The following GON4L variants were observed in gnomAD, a reference collection of about 807,000 sequenced individuals.
GON4L encodes gon-4 like, also known as GON-4-like protein.
A neutral mutation model predicts 211.8 loss-of-function variants in GON4L; 87 were observed. The observed-to-expected ratio is 0.41, with a 90% CI of 0.35 to 0.49. GON4L has a LOEUF of 0.49. Among genes scored for constraint, GON4L ranks in the 20% least tolerant of loss-of-function variants. The probability of loss-of-function intolerance (pLI) is 0.15; values close to 1 mark genes in which losing one functional copy is unlikely to be tolerated. For synonymous variants in GON4L, 875 were observed against 962.6 expected (o/e 0.91, Z 1.68); for missense variants, 2,155 against 2,659.5 (o/e 0.81, Z 4.17).
At chr1:155,773,015 T>C (rs541758166) in intron 18 of GON4L, 51 bp downstream of exon 18, 3 of 1,607,226 alleles carry the variant, frequency 1.9e-6, no homozygotes, top group Non-Finnish European at 2.6e-6. Flanking sequence ...AGGAACTACA[T>C]CTTCTCCTTG....
In GON4L at chr1:155,777,738, A is replaced by T. The variant is rs1338627804; in HGVS notation, c.1975T>A (p.Ser659Thr). 1 of 1,612,784 alleles carries T rather than the reference A, an allele frequency of 6.2e-7. No individual in the cohort carries two copies. The highest frequency in any genetic ancestry group is 1.7e-5 in the Admixed American group (1 of 59,992). ...ACTTCCTGCAGCTGTTTGGCTGAAGATTTCTTCATCTTCAGCTGTTCAAAT... is the reference window on the plus strand; with the variant it reads ...ACTTCCTGCAGCTGTTTGGCTGAAGTTTTCTTCATCTTCAGCTGTTCAAAT... ...ELFEQLKMKK[S>T]SAKQLQEVEK... The change falls in exon 15 of 32, where the codon TCT (serine) becomes ACT (threonine). Residue 659 changes from serine (S) to threonine (T), a missense_variant. By Grantham distance (58) the Ser-to-Thr change is moderately conservative. Transcript: ENST00000368331.
In GON4L at chr1:155,821,504, G is replaced by A. The variant is rs1048261856; in HGVS notation, c.933C>T (p.Ala311=). The A allele has an allele frequency of 6.2e-7, 1 of 1,604,604 alleles. No homozygotes were observed. Among genetic ancestry groups the A allele is most frequent in the South Asian group, 1.1e-5 (1 of 90,898 alleles). The change falls in exon 5 of 32, where the codon GCC becomes GCT. Residue 311 remains alanine, a synonymous_variant. Transcript: ENST00000368331. ...TTGGCATATCTTCCGTCTCACTGATGGCTGCTTTCATCATAGCTACCACGT... is the reference window on the plus strand; with the variant it reads ...TTGGCATATCTTCCGTCTCACTGATAGCTGCTTTCATCATAGCTACCACGT... ...NEHVVAMMKA[A]ISETEDMPMF... is the part of the protein sequence containing the mutation.
intron 13 of GON4L, 67 bp downstream of exon 13, chr1:155,785,267 C>A: frequency 2.0e-6 from 2 of 1,014,300 alleles, no homozygotes; most frequent in Non-Finnish European, 1.6e-6. Flanking sequence ...TCACAGAGAC[C>A]AAATGACACA....
At chr1:155,805,844 G>A (rs1205159464) in intron 10 of GON4L, among the ~76,000 whole-genome samples, 5 of 149,072 alleles carry the variant, frequency 3.4e-5, no homozygotes, top group South Asian at 2.1e-4. Context: ...CACCAGCCAC[G>A]ACATCTGACT....
At position 155,853,486 on chromosome 1, in the gene GON4L, T is replaced by C; in HGVS notation, c.295A>G (p.Ile99Val). ...VPILEGVDVAISQGITLPSLE... is the reference protein window; with the variant it reads ...VPILEGVDVAVSQGITLPSLE... ...GAAGGTAGGGTGATTCCCTGAGAGA[T>C]GGCCACATCAACACCTTCTAGAATT... The change falls in exon 2 of 32, where the codon ATC becomes GTC. Residue 99 changes from isoleucine (I) to valine (V), a missense_variant. By Grantham distance (29) the Ile-to-Val change is conservative (BLOSUM62 3). Around this residue, in one of 6 missense-constraint regions of GON4L, gnomAD observed 313 missense variants for 293.2 expected, o/e 1.07. Transcript: ENST00000368331. The C allele has an allele frequency of 6.2e-7, 1 of 1,614,140 alleles. No individual in the cohort carries two copies. The highest frequency in any genetic ancestry group is 8.5e-7 in the Non-Finnish European group (1 of 1,179,948).
intron 6 of GON4L, among the ~76,000 whole-genome samples, chr1:155,816,701 G>C (rs1447694053): frequency 7.1e-6 from 1 of 140,922 alleles, no homozygotes; most frequent in Non-Finnish European, 1.5e-5. Flanking sequence ...CAAAAAGCCA[G>C]CCATGAAAAG....
At chr1:155,790,225 T>C (rs1044556247) in intron 12 of GON4L, among the ~76,000 whole-genome samples, 3 of 151,866 alleles carry the variant, frequency 2.0e-5, no homozygotes, top group Non-Finnish European at 4.4e-5. Context: ...TCAGCCTCCT[T>C]AGTAGCTGGG....
chr1:155,757,348 A>G, intron 25 of GON4L, 25 bp from the exon 26 acceptor site: 1 of 1,610,542 alleles, frequency 6.2e-7, no homozygotes, highest in Admixed American at 1.7e-5. Flanking sequence ...AGAGGGAAAG[A>G]GGAAGTCTCC....
At chr1:155,826,620 T>C (rs561389355) in intron 3 of GON4L, among the ~76,000 whole-genome samples, 1 of 151,012 alleles carries the variant, frequency 6.6e-6, no homozygotes, top group Non-Finnish European at 1.5e-5. Context: ...ATCAGGATAG[T>C]GGTTAACCTA....
chr1:155,764,508 C>T (rs1348022303), intron 21 of GON4L: 3 of 281,634 alleles, frequency 1.1e-5, no homozygotes, highest in Admixed American at 4.8e-5. Context: ...GACGTGATCT[C>T]GGCTCACTGC....
At chr1:155,795,385 C>G (rs1375959896) in intron 11 of GON4L, among the ~76,000 whole-genome samples, 1 of 152,152 alleles carries the variant, frequency 6.6e-6, no homozygotes, top group African/African-American at 2.4e-5. Context: ...CGCCACCACA[C>G]CCAGCTAATT....
intron 12 of GON4L, among the ~76,000 whole-genome samples, chr1:155,794,437 C>T (rs552081351): frequency 2.6e-5 from 4 of 152,274 alleles, no homozygotes; most frequent in African/African-American, 9.6e-5. Flanking sequence ...TTATCTACCA[C>T]TTCTCTGTCT....
chr1:155,816,932 A>T (rs1341235801), intron 6 of GON4L, among the ~76,000 whole-genome samples: 6 of 152,144 alleles, frequency 3.9e-5, no homozygotes, highest in Non-Finnish European at 7.3e-5. Context: ...TCATTGTAAC[A>T]ATCTTTCAAC....
chr1:155,828,964 G>T (rs1402019405), intron 2 of GON4L, among the ~76,000 whole-genome samples: 1 of 152,082 alleles, frequency 6.6e-6, no homozygotes, highest in African/African-American at 2.4e-5. Context: ...GTGAAAGGAT[G>T]CCTAAATTTT....
At chr1:155,764,034 C>A (rs1474786918) in intron 21 of GON4L, among the ~76,000 whole-genome samples, 18 of 148,098 alleles carry the variant, frequency 1.2e-4, no homozygotes, top group South Asian at 2.1e-4. Context: ...AAAAAAAAAA[C>A]ACAGAAAAAA....
intron 10 of GON4L, among the ~76,000 whole-genome samples, chr1:155,810,196 A>G (rs1047056434): frequency 4.0e-5 from 6 of 150,740 alleles, no homozygotes; most frequent in African/African-American, 1.5e-4. Context: ...GGGTTTCACC[A>G]TGTTGACCAG....
chr1:155,793,936 A>T (rs1344488577), intron 12 of GON4L, among the ~76,000 whole-genome samples: 1 of 152,032 alleles, frequency 6.6e-6, no homozygotes, highest in East Asian at 1.9e-4. Context: ...TATAGAAATA[A>T]CTCAAGCTAA....
chr1:155,790,906 G>A (rs546808695), intron 12 of GON4L, among the ~76,000 whole-genome samples: 7 of 147,582 alleles, frequency 4.7e-5, no homozygotes, highest in Admixed American at 2.0e-4. Flanking sequence ...ATGGCGCCAC[G>A]GCACTCCAGC....
Position 155,811,741 on chromosome 1 carries a change from C to A in GON4L, c.1452+1893G>T, listed in dbSNP as rs1417049678. Among the ~76,000 whole-genome samples, 17 of 76,724 alleles carry A rather than the reference C, an allele frequency of 2.2e-4. No homozygotes were observed. In the Admixed American group the frequency reaches 3.3e-3, roughly 15 times the overall value. The allele number at this position is 76,724 out of a possible 152,430, so 50.3% of individuals were successfully genotyped here. ...ACTGCACTCCAGCCTGGGAGACAGG[C>A]AAGACTCTGTCTCAAAAAAAAAAAA... is the stretch of plus-strand genomic sequence containing the variant. On this transcript the variant is annotated intron_variant, in intron 10 of 31. Transcript: ENST00000368331.
Sources: allele counts gnomAD v4.1 joint callset (sites outside exome capture counted in the v4.1 genomes callset), GRCh38; gene constraint gnomAD v4.1.1; regional missense constraint gnomAD v4.1.1; transcripts MANE v1.5; gene names NCBI Gene and HGNC (gene_info 2026-07-23, HGNC 2026-07-21).